HDAC9: variants seen among roughly 807,000 people sequenced by gnomAD.
HDAC9 encodes the protein histone deacetylase 9.
Under a neutral mutation model 139.4 loss-of-function variants are expected in HDAC9, and 41 were observed. That is an observed-to-expected ratio of 0.29 (90% CI 0.23 to 0.38). The LOEUF is 0.38. Among genes scored for constraint, HDAC9 ranks in the 10% least tolerant of loss-of-function variants. The probability of loss-of-function intolerance (pLI) is 1.00; values close to 1 mark genes in which losing one functional copy is unlikely to be tolerated. For missense variants in HDAC9, 1,147 were observed against 1,297.0 expected (o/e 0.88, Z 1.78); for synonymous variants, 517 against 476.2 (o/e 1.09, Z -1.12).
At chr7:18,126,389 G>T (rs1051286784) in intron 1 of HDAC9, among the ~76,000 whole-genome samples, 1 of 152,056 alleles carries the variant, frequency 6.6e-6, no homozygotes, top group African/African-American at 2.4e-5. Context: ...AGTCAGACAG[G>T]CAAGACTTGG....
chr7:18,800,669 C>CA, intron 17 of HDAC9, among the ~76,000 whole-genome samples: 1 of 151,968 alleles, frequency 6.6e-6, no homozygotes, highest in East Asian at 1.9e-4. Context: ...CCTGTCTCTA[C>CA]AAAAAATACA....
At chr7:18,929,752 C>G (rs1804563802) in intron 22 of HDAC9, among the ~76,000 whole-genome samples, 1 of 152,036 alleles carries the variant, frequency 6.6e-6, no homozygotes, top group Admixed American at 6.6e-5. Context: ...CCTGGCCAAC[C>G]AACATGGTGA....
At chr7:18,772,934 T>C (rs1005388273) in intron 16 of HDAC9, among the ~76,000 whole-genome samples, 1 of 152,174 alleles carries the variant, frequency 6.6e-6, no homozygotes, top group Non-Finnish European at 1.5e-5. Flanking sequence ...TAGATTATGC[T>C]AATTGTGTAT....
intron 2 of HDAC9, chr7:18,578,029 AT>A: frequency 2.3e-6 from 1 of 434,350 alleles, no homozygotes; most frequent in Middle Eastern, 6.1e-4. Flanking sequence ...CTCCATCTCT[AT>A]CTCCATCCCC....
intron 2 of HDAC9, among the ~76,000 whole-genome samples, chr7:18,258,925 A>T (rs1795455305): frequency 6.8e-6 from 1 of 147,802 alleles, no homozygotes; most frequent in Admixed American, 6.7e-5. Flanking sequence ...TCAGGAGGTA[A>T]TAATAAAGTA....
chr7:18,419,651 C>T (rs1413974967), intron 1 of HDAC9, among the ~76,000 whole-genome samples: 8 of 152,168 alleles, frequency 5.3e-5, no homozygotes, highest in Admixed American at 2.0e-4. Context: ...AAATTACACT[C>T]TTGTTGAAAT....
intron 2 of HDAC9, among the ~76,000 whole-genome samples, chr7:18,568,569 A>G (rs1823225569): frequency 6.6e-6 from 1 of 152,236 alleles, no homozygotes; most frequent in East Asian, 1.9e-4. Flanking sequence ...TAAAATTAGT[A>G]TATCAATCTA....
chr7:18,087,481 G>A (rs1781872645), intron 1 of HDAC9, among the ~76,000 whole-genome samples: 1 of 152,186 alleles, frequency 6.6e-6, no homozygotes, highest in Non-Finnish European at 1.5e-5. Context: ...GAGGCGAGCG[G>A]TCGGTGGCGT....
chr7:18,354,447 G>C (rs1438478615), intron 1 of HDAC9, among the ~76,000 whole-genome samples: 1 of 152,156 alleles, frequency 6.6e-6, no homozygotes, highest in Non-Finnish European at 1.5e-5. Context: ...CTTGAAAGAG[G>C]AGAGAAGAAT....
At chr7:18,913,939 AT>A (rs1482405102) in intron 22 of HDAC9, among the ~76,000 whole-genome samples, 1 of 152,016 alleles carries the variant, frequency 6.6e-6, no homozygotes, top group Non-Finnish European at 1.5e-5. Context: ...ACCAAGGAAA[AT>A]ATCCACACTA....
chr7:18,893,050 A>AG (rs1213580627), intron 22 of HDAC9, among the ~76,000 whole-genome samples: 1,959 of 148,744 alleles, frequency 0.013, 28 homozygotes, highest in African/African-American at 0.033. Context: ...AAAAAAAAAA[A>AG]AAAAGAAAAG....
At chr7:18,905,695 A>G (rs1802171482) in intron 22 of HDAC9, among the ~76,000 whole-genome samples, 2 of 152,236 alleles carry the variant, frequency 1.3e-5, no homozygotes, top group African/African-American at 4.8e-5. Context: ...AGGGATTTCC[A>G]TTGCAGATGA....
At chr7:18,800,931 A>G (rs1793235412) in intron 17 of HDAC9, among the ~76,000 whole-genome samples, 1 of 152,180 alleles carries the variant, frequency 6.6e-6, no homozygotes, top group African/African-American at 2.4e-5. Flanking sequence ...GCATCTTATT[A>G]CAATTACATT....
At chr7:18,914,079 G>A (rs1802974225) in intron 22 of HDAC9, among the ~76,000 whole-genome samples, 1 of 151,850 alleles carries the variant, frequency 6.6e-6, no homozygotes, top group South Asian at 2.1e-4. Flanking sequence ...CTAAATAAAT[G>A]GGATTAGTGC....
At chr7:18,247,341 G>GA (rs893287546) in intron 2 of HDAC9, among the ~76,000 whole-genome samples, 4 of 151,942 alleles carry the variant, frequency 2.6e-5, no homozygotes, top group Admixed American at 1.3e-4. Context: ...GAGGGGCACA[G>GA]AAAAAAACTA....
chr7:18,502,691 G>A (rs558935378), intron 2 of HDAC9: 2 of 152,102 alleles, frequency 1.3e-5, no homozygotes, highest in African/African-American at 4.8e-5. Context: ...ATATTGAATA[G>A]ATTGCCTTTC....
intron 21 of HDAC9, among the ~76,000 whole-genome samples, chr7:18,844,268 A>G (rs1796771394): frequency 6.6e-6 from 1 of 152,180 alleles, no homozygotes; most frequent in Non-Finnish European, 1.5e-5. Flanking sequence ...TCGTAAAGCC[A>G]TAGGGAGGGT....
intron 2 of HDAC9, among the ~76,000 whole-genome samples, chr7:18,247,176 A>G (rs1794610435): frequency 6.6e-6 from 1 of 151,868 alleles, no homozygotes; most frequent in African/African-American, 2.4e-5. Flanking sequence ...TTCTAGAAAG[A>G]GTTCTGTTGT....
At chr7:18,624,651 A>G (rs910879569) in intron 6 of HDAC9, among the ~76,000 whole-genome samples, 3 of 152,082 alleles carry the variant, frequency 2.0e-5, no homozygotes, top group African/African-American at 7.2e-5. Flanking sequence ...AGTCACTGGC[A>G]TGGAAATCTT....
Sources: allele counts gnomAD v4.1 joint callset (sites outside exome capture counted in the v4.1 genomes callset), GRCh38; gene constraint gnomAD v4.1.1; transcripts MANE v1.5; gene names NCBI Gene and HGNC (gene_info 2026-07-23, HGNC 2026-07-21).